The following FSTL4 variants were observed in gnomAD, a reference collection of about 807,000 sequenced individuals.
FSTL4 encodes follistatin like 4.
FSTL4 carries 28 observed loss-of-function variants against 78.2 expected under a neutral mutation model. The ratio of observed to expected loss-of-function variants is 0.36; its 90% CI spans 0.27 to 0.49. The LOEUF (loss-of-function observed/expected upper bound fraction) is 0.49. Ranked by LOEUF, FSTL4 falls within the 20% of genes least tolerant of loss-of-function variation. The pLI, the probability that FSTL4 is intolerant of heterozygous loss-of-function variation, is 0.98. For synonymous variants in FSTL4, 422 were observed against 440.5 expected (o/e 0.96, Z 0.53); for missense variants, 922 against 1,084.9 (o/e 0.85, Z 2.11).
intron 4 of FSTL4, among the ~76,000 whole-genome samples, chr5:133,350,878 A>G (rs1314476318): frequency 6.6e-6 from 1 of 152,168 alleles, no homozygotes; most frequent in East Asian, 1.9e-4. Flanking sequence ...AATTTCACAT[A>G]ACACTTCTGC....
the FSTL4 span, among the ~76,000 whole-genome samples, chr5:133,683,913 C>T: frequency 7.2e-5 from 11 of 152,304 alleles, no homozygotes; most frequent in Admixed American, 3.9e-4. Flanking sequence ...TGGTGAAGGA[C>T]GGGACCCTGG....
the FSTL4 span, among the ~76,000 whole-genome samples, chr5:133,676,762 A>G: frequency 7.2e-5 from 11 of 152,216 alleles, no homozygotes; most frequent in African/African-American, 2.7e-4. Context: ...TAAATTGTGA[A>G]TATTGTTATA....
chr5:133,352,101 T>C (rs1754834568), intron 4 of FSTL4, among the ~76,000 whole-genome samples: 1 of 151,802 alleles, frequency 6.6e-6, no homozygotes, highest in African/African-American at 2.4e-5. Context: ...TACAAAGGTA[T>C]ACTGTGTGAT....
At chr5:133,684,441 C>T in the FSTL4 span, among the ~76,000 whole-genome samples, 4 of 152,230 alleles carry the variant, frequency 2.6e-5, no homozygotes, top group African/African-American at 4.8e-5. Flanking sequence ...TTCTCTCTCT[C>T]CTGAACCTCC....
At chr5:133,202,960 G>A (rs1225456305) in intron 14 of FSTL4, among the ~76,000 whole-genome samples, 1 of 152,240 alleles carries the variant, frequency 6.6e-6, no homozygotes, top group African/African-American at 2.4e-5. Context: ...GATAGGATGA[G>A]TGAGTGGTCT....
intron 3 of FSTL4, among the ~76,000 whole-genome samples, chr5:133,402,667 A>G (rs1756260722): frequency 6.6e-6 from 1 of 152,074 alleles, no homozygotes; most frequent in Non-Finnish European, 1.5e-5. Context: ...ATTTGAAAGG[A>G]AAAAAAATCA....
At chr5:133,590,662 C>T (rs1478185123) in intron 2 of FSTL4, among the ~76,000 whole-genome samples, 2 of 152,168 alleles carry the variant, frequency 1.3e-5, no homozygotes, top group African/African-American at 4.8e-5. Flanking sequence ...CACAGGGCCA[C>T]AACTGAGCAC....
chr5:133,265,755 C>T (rs927899905), intron 6 of FSTL4, among the ~76,000 whole-genome samples: 2 of 152,202 alleles, frequency 1.3e-5, no homozygotes, highest in Admixed American at 6.5e-5. Flanking sequence ...CCCAGCACCC[C>T]TGCACGGCTG....
At chr5:133,740,340 C>T in the FSTL4 span, among the ~76,000 whole-genome samples, 1 of 152,160 alleles carries the variant, frequency 6.6e-6, no homozygotes, top group Non-Finnish European at 1.5e-5. Flanking sequence ...CCCCTGGCCC[C>T]ACATCTAATC....
At chr5:133,776,698 C>T in the FSTL4 span, among the ~76,000 whole-genome samples, 1 of 152,188 alleles carries the variant, frequency 6.6e-6, no homozygotes, top group Non-Finnish European at 1.5e-5. Context: ...CGAGTACTTA[C>T]CTCCAGAAAC....
the FSTL4 span, among the ~76,000 whole-genome samples, chr5:133,619,032 T>C: frequency 6.6e-6 from 1 of 152,222 alleles, no homozygotes; most frequent in Non-Finnish European, 1.5e-5. Context: ...AGAATGTCAG[T>C]TCCATTCAGG....
chr5:133,294,597 C>A (rs1416269090), intron 6 of FSTL4, among the ~76,000 whole-genome samples: 1 of 152,174 alleles, frequency 6.6e-6, no homozygotes, highest in Non-Finnish European at 1.5e-5. Context: ...ATTTAAACAT[C>A]CAAGTTGATT....
At chr5:133,718,359 A>G in the FSTL4 span, among the ~76,000 whole-genome samples, 5 of 152,298 alleles carry the variant, frequency 3.3e-5, 1 homozygote, top group African/African-American at 1.2e-4. Context: ...GATTACAGGC[A>G]TGAGACACTG....
chr5:133,784,982 G>C, the FSTL4 span, among the ~76,000 whole-genome samples: 1 of 152,124 alleles, frequency 6.6e-6, no homozygotes, highest in Non-Finnish European at 1.5e-5. Context: ...TGGGGGAGAA[G>C]GAATAGAGAC....
chr5:133,343,166 C>G (rs1298668738), intron 4 of FSTL4, among the ~76,000 whole-genome samples: 2 of 152,184 alleles, frequency 1.3e-5, no homozygotes, highest in African/African-American at 4.8e-5. Flanking sequence ...TTTCAGTTAG[C>G]AAGAGGTAAA....
Position 133,565,593 on chromosome 5 carries a change from C to T in FSTL4, c.160+1593G>A, listed in dbSNP as rs553124409. The stretch of plus-strand genomic sequence containing the variant: ...TAAGTCAACCATTTGCGAAGGCTGA[C>T]ACTTCCAGCGGTGGAGAGGTTACAG... On this transcript the variant is annotated intron_variant, in intron 3 of 15. Coordinates refer to ENST00000265342, the MANE Select transcript of FSTL4 (RefSeq NM_015082.2). Among the ~76,000 whole-genome samples, 11 of 152,352 alleles carry T rather than the reference C, an allele frequency of 7.2e-5. No individual in the cohort carries two copies. The South Asian group carries it at 2.3e-3, about 32-fold the overall frequency.
the FSTL4 span, among the ~76,000 whole-genome samples, chr5:133,652,246 T>C: frequency 6.6e-6 from 1 of 152,088 alleles, no homozygotes; most frequent in African/African-American, 2.4e-5. Flanking sequence ...TTTAATTTTA[T>C]TGATTTCTGC....
intron 3 of FSTL4, among the ~76,000 whole-genome samples, chr5:133,492,119 T>C (rs988905786): frequency 6.6e-6 from 1 of 152,170 alleles, no homozygotes; most frequent in East Asian, 1.9e-4. Context: ...ATTTTCAATA[T>C]ACATTCTGAC....
chr5:133,292,852 T>C (rs1753298933), intron 6 of FSTL4, among the ~76,000 whole-genome samples: 1 of 152,174 alleles, frequency 6.6e-6, no homozygotes, highest in Non-Finnish European at 1.5e-5. Flanking sequence ...TCCGAGGAAT[T>C]AGAGAGCGCC....
Sources: gnomAD v4.1 joint callset for allele counts (sites outside exome capture counted in the v4.1 genomes callset) on GRCh38, gnomAD v4.1.1 for gene constraint, MANE v1.5 for transcripts, NCBI Gene and HGNC (gene_info 2026-07-23, HGNC 2026-07-21) for gene names.